The following BMS1 variants were observed in gnomAD, a reference collection of about 807,000 sequenced individuals.
BMS1 encodes the protein BMS1 ribosome biogenesis factor, also known as ribosome biogenesis protein BMS1 homolog.
A neutral mutation model predicts 138.7 loss-of-function variants in BMS1; 53 were observed. The observed-to-expected ratio is 0.38, with a 90% CI of 0.31 to 0.48. The LOEUF (loss-of-function observed/expected upper bound fraction) is 0.48, where lower values mean the gene tolerates loss of function less well. BMS1 is among the 20% of genes least tolerant of loss of function. The probability of loss-of-function intolerance (pLI) is 0.97; values close to 1 mark genes in which losing one functional copy is unlikely to be tolerated. For synonymous variants in BMS1, 504 were observed against 539.9 expected (o/e 0.93, Z 0.92); for missense variants, 1,360 against 1,565.5 (o/e 0.87, Z 2.22).
intron 13 of BMS1, among the ~76,000 whole-genome samples, chr10:42,812,049 A>G (rs1318130240): frequency 6.6e-6 from 1 of 152,170 alleles, no homozygotes. Flanking sequence ...TCATCTTGGT[A>G]GATTTCTATT....
chr10:42,804,258 G>T (rs1723741434), intron 13 of BMS1, among the ~76,000 whole-genome samples: 1 of 152,144 alleles, frequency 6.6e-6, no homozygotes, highest in South Asian at 2.1e-4. Context: ...AGTTCAGAAT[G>T]GACTAAATGG....
chr10:42,807,135 G>A (rs951162184), intron 13 of BMS1, among the ~76,000 whole-genome samples: 2 of 152,136 alleles, frequency 1.3e-5, no homozygotes, highest in Non-Finnish European at 2.9e-5. Context: ...AAGATACGGA[G>A]CAGTTCCATC....
At position 42,783,222 on chromosome 10, in the gene BMS1, C is replaced by T. The variant is rs577273327; in HGVS notation, c.-34+392C>T. Among the ~76,000 whole-genome samples the T allele has an allele frequency of 9.0e-4, 137 of 152,244 alleles. 1 individual carries two copies. Among genetic ancestry groups the T allele is most frequent in the African/African-American group, 3.2e-3 (131 of 41,546 alleles). Reference sequence around the variant, plus strand: ...AGAAGAAACATAATCTCTGAAATCACACAGCTATTCGGTTTCAAAGCGTTC... The same window carrying T: ...AGAAGAAACATAATCTCTGAAATCATACAGCTATTCGGTTTCAAAGCGTTC... On this transcript the variant is annotated intron_variant, in intron 1 of 22. Coordinates refer to ENST00000374518, the MANE Select transcript of BMS1 (RefSeq NM_014753.4).
chr10:42,824,704 T>C lies in BMS1; in HGVS notation c.3456+920T>C, dbSNP rs541841069. On this transcript the variant is annotated intron_variant, in intron 21 of 22. Transcript: ENST00000374518. ...GGGTCCAATTTTATTCTTTTGCATG[T>C]GAAAATCCAGTTTTCCCAGCACTAT... Among the ~76,000 whole-genome samples the C allele has an allele frequency of 2.6e-5, 4 of 152,340 alleles. No individual in the cohort carries two copies. In the South Asian group the frequency reaches 6.2e-4, roughly 24 times the overall value.
In BMS1 at chr10:42,785,795, T is replaced by C. The variant is rs1307096479; in HGVS notation, c.367+123T>C. On this transcript the variant is annotated intron_variant, in intron 3 of 22. Transcript: ENST00000374518. Reference sequence around the variant, plus strand: ...TTGTCATATCATGGGACTTCTCTTATACTTAGTATTACTAAGTTGGCTATA... The same window carrying C: ...TTGTCATATCATGGGACTTCTCTTACACTTAGTATTACTAAGTTGGCTATA... 4.7e-6 allele frequency: 5 copies of C among 1,064,856 alleles called. No individual in the cohort carries two copies. In the East Asian group the frequency reaches 1.2e-4, roughly 26 times the overall value. 66.0% of individuals were successfully genotyped at this position (1,064,856 alleles called of 1,614,324 possible). A position where few individuals can be genotyped will look rare whatever the true frequency, so the allele number is the denominator to read the frequency against.
intron 13 of BMS1, among the ~76,000 whole-genome samples, chr10:42,806,811 A>C (rs1006947494): frequency 1.3e-5 from 2 of 151,878 alleles, no homozygotes; most frequent in African/African-American, 4.8e-5. Context: ...TTTCCTAATT[A>C]AACTTTTAAG....
At position 42,797,407 on chromosome 10, in the gene BMS1, C is replaced by T; in HGVS notation, c.1988-15C>T. 1 of 1,613,544 alleles carries T rather than the reference C, an allele frequency of 6.2e-7. No individual in the cohort carries two copies. The highest frequency in any genetic ancestry group is 8.5e-7 in the Non-Finnish European group (1 of 1,179,514). On this transcript the variant is annotated splice_polypyrimidine_tract_variant and intron_variant, in intron 10 of 22. Transcript: ENST00000374518. ...ATGAATAAGCCTAACTGGAGGTTGGCATTGGTCGTTTCAGGTGCCCTCAAG... is the reference window on the plus strand; with the variant it reads ...ATGAATAAGCCTAACTGGAGGTTGGTATTGGTCGTTTCAGGTGCCCTCAAG...
At chr10:42,783,077 T>G (rs1344930198) in intron 1 of BMS1, among the ~76,000 whole-genome samples, 1 of 152,102 alleles carries the variant, frequency 6.6e-6, no homozygotes, top group African/African-American at 2.4e-5. Context: ...CCTGGCGACG[T>G]GGTCCCGGTA....
chr10:42,811,585 C>T (rs1278791685), intron 13 of BMS1, among the ~76,000 whole-genome samples: 3 of 117,074 alleles, frequency 2.6e-5, no homozygotes, highest in East Asian at 2.9e-4. Flanking sequence ...AGTGCAGTGG[C>T]GGGATCTCGG....
chr10:42,805,658 G>A (rs1841992782), intron 13 of BMS1, among the ~76,000 whole-genome samples: 1 of 152,070 alleles, frequency 6.6e-6, no homozygotes, highest in Non-Finnish European at 1.5e-5. Flanking sequence ...ATTTCTCTCA[G>A]CAAGGTTTTC....
chr10:42,834,142 T>C lies in BMS1; in HGVS notation c.*3046T>C, dbSNP rs1040330869. 6.6e-6 allele frequency: 1 copy of C among 152,248 alleles called. No homozygotes were observed. The highest frequency in any genetic ancestry group is 2.4e-5 in the African/African-American group (1 of 41,458). The allele number at this position is 152,248 out of a possible 1,614,324, so 9.4% of individuals were successfully genotyped here. ...TGCTAGGTATGTTTTGAAAACATAT[T>C]GAACCTACAGTGTACATATCATTCC... is the stretch of plus-strand genomic sequence containing the variant. On this transcript the variant is annotated 3_prime_UTR_variant, in exon 23 of 23. Coordinates refer to ENST00000374518, the MANE Select transcript of BMS1 (RefSeq NM_014753.4).
intron 12 of BMS1, among the ~76,000 whole-genome samples, chr10:42,799,081 C>T (rs1026548964): frequency 3.9e-5 from 6 of 152,198 alleles, no homozygotes; most frequent in African/African-American, 1.4e-4. Flanking sequence ...CTCACCACAG[C>T]TTACCCTCCT....
chr10:42,802,004 G>T, intron 12 of BMS1, 133 bp from the exon 13 acceptor site: 2 of 589,960 alleles, frequency 3.4e-6, no homozygotes, highest in Non-Finnish European at 6.0e-6. Context: ...TTATTTTCTG[G>T]GCTCATTTGG....
At position 42,816,669 on chromosome 10, in the gene BMS1, T is replaced by G; in HGVS notation, c.2400T>G (p.Thr800=). The change falls in exon 14 of 23, where the codon ACT becomes ACG. Residue 800 remains threonine (T), a synonymous_variant. Transcript: ENST00000374518. ...ACAAGGGAAAATCAGGCCCCAATAC[T>G]CAGGTATGACTTTGTCGTAGCTGGC... ...DVHKGKSGPN[T]QNEDIEKEVK... 1 of 1,610,850 alleles carries G rather than the reference T, an allele frequency of 6.2e-7. No homozygotes were observed. The highest frequency in any genetic ancestry group is 8.5e-7 in the Non-Finnish European group (1 of 1,179,420).
intron 4 of BMS1, among the ~76,000 whole-genome samples, chr10:42,789,206 C>G (rs1841430032): frequency 6.6e-6 from 1 of 152,184 alleles, no homozygotes; most frequent in Non-Finnish European, 1.5e-5. Context: ...AGCTGCTTGC[C>G]CCCTGGCACT....
At chr10:42,823,347 A>G in intron 20 of BMS1, 82 bp downstream of exon 20, 1 of 1,472,252 alleles carries the variant, frequency 6.8e-7, no homozygotes, top group Non-Finnish European at 9.0e-7. Context: ...GGCTGGAGTC[A>G]GGTCTCTAGA....
intron 15 of BMS1, among the ~76,000 whole-genome samples, chr10:42,818,512 TG>T: frequency 6.6e-6 from 1 of 152,162 alleles, no homozygotes; most frequent in Middle Eastern, 3.2e-3. Context: ...ATTTGGAAGC[TG>T]GGTCAGTAGG....
chr10:42,831,245 A>T lies in BMS1; in HGVS notation c.*149A>T. The T allele has an allele frequency of 1.2e-6, 1 of 832,782 alleles. No individual in the cohort carries two copies. Among genetic ancestry groups the T allele is most frequent in the Non-Finnish European group, 1.9e-6 (1 of 539,720 alleles). The allele number at this position is 832,782 out of a possible 1,614,324, so 51.6% of individuals were successfully genotyped here. A position where few individuals can be genotyped will look rare whatever the true frequency, so the allele number is the denominator to read the frequency against. ...GTGCCTGCAGGAGGAGGAACAGAGA[A>T]GCCTGGGCTGCTGGGACTGGGTTCA... On this transcript the variant is annotated 3_prime_UTR_variant, in exon 23 of 23. Coordinates refer to ENST00000374518, the MANE Select transcript of BMS1 (RefSeq NM_014753.4).
intron 9 of BMS1, among the ~76,000 whole-genome samples, 185 bp downstream of exon 9, chr10:42,794,176 A>G (rs892183021): frequency 2.6e-5 from 4 of 152,204 alleles, no homozygotes; most frequent in African/African-American, 9.6e-5. Flanking sequence ...CTTTTCTTGA[A>G]ATAAATTGCA....
Sources: allele counts gnomAD v4.1 joint callset (sites outside exome capture counted in the v4.1 genomes callset), GRCh38; gene constraint gnomAD v4.1.1; transcripts MANE v1.5; gene names NCBI Gene and HGNC (gene_info 2026-07-23, HGNC 2026-07-21).